DKKL1: variants seen among roughly 807,000 people sequenced by gnomAD.
DKKL1 encodes dickkopf like acrosomal protein 1.
A neutral mutation model predicts 16.5 loss-of-function variants in DKKL1; 11 were observed. The ratio of observed to expected loss-of-function variants is 0.67; its 90% CI spans 0.42 to 1.10. The LOEUF (loss-of-function observed/expected upper bound fraction) is 1.10. Ranked by LOEUF, DKKL1 falls within the 50% of genes least tolerant of loss-of-function variation. DKKL1 has a pLI of 0.00. For missense variants in DKKL1, 320 were observed against 308.1 expected (o/e 1.04, Z -0.29); for synonymous variants, 119 against 133.2 (o/e 0.89, Z 0.73).
intron 4 of DKKL1, among the ~76,000 whole-genome samples, chr19:49,366,447 T>C (rs1336274758): frequency 6.9e-6 from 1 of 144,448 alleles, no homozygotes; most frequent in Non-Finnish European, 1.5e-5. Flanking sequence ...TTTTTTTTTT[T>C]AACTACATAA....
intron 1 of DKKL1, 119 bp from the exon 2 acceptor site, chr19:49,364,463 T>C (rs1330998422): frequency 2.6e-6 from 2 of 755,660 alleles, no homozygotes; most frequent in African/African-American, 3.6e-5. Flanking sequence ...GTGGGGGAAA[T>C]GAGCGCGGTG....
intron 4 of DKKL1, 108 bp downstream of exon 4, chr19:49,365,993 T>C: frequency 9.7e-7 from 1 of 1,027,578 alleles, no homozygotes; most frequent in Non-Finnish European, 1.4e-6. Flanking sequence ...AGTGGCACGA[T>C]CTTGGCTCAC....
chr19:49,365,947 A>G, intron 4 of DKKL1, 62 bp downstream of exon 4: 1 of 1,494,332 alleles, frequency 6.7e-7, no homozygotes, highest in South Asian at 1.2e-5. Flanking sequence ...TTCTTTTTTA[A>G]AGAAGAGTCT....
chr19:49,366,704 GTTT>G (rs1293640181), intron 4 of DKKL1, among the ~76,000 whole-genome samples: 5 of 107,382 alleles, frequency 4.7e-5, no homozygotes, highest in African/African-American at 2.3e-4. Flanking sequence ...TTTTTTGTTT[GTTT>G]TTTTGGTTTT....
rs562965964 is a variant in DKKL1, at chr19:49,373,627, G to A, written c.418-1090G>A. On this transcript the variant is annotated intron_variant, in intron 4 of 4. Coordinates refer to ENST00000221498, the MANE Select transcript of DKKL1 (RefSeq NM_014419.4). The stretch of plus-strand genomic sequence containing the variant: ...TGGGATTACATGAGCGCGCCAGCAC[G>A]CCCAGCTAATTTTCATATTTTTAGT... Among the ~76,000 whole-genome samples, 45 of 152,014 alleles carry A rather than the reference G, an allele frequency of 3.0e-4. No individual in the cohort carries two copies. In the South Asian group the frequency reaches 8.9e-3, roughly 30 times the overall value.
At chr19:49,373,632 G>A (rs895334581) in intron 4 of DKKL1, among the ~76,000 whole-genome samples, 3 of 152,068 alleles carry the variant, frequency 2.0e-5, no homozygotes, top group South Asian at 2.1e-4. Flanking sequence ...AGCACGCCCA[G>A]CTAATTTTCA....
upstream of DKKL1, chr19:49,363,872 A>AG: frequency 7.3e-7 from 1 of 1,377,416 alleles, no homozygotes; most frequent in Non-Finnish European, 1.0e-6. Context: ...CCAACGCTCT[A>AG]GACCAGACCT....
chr19:49,365,731 G>C, intron 3 of DKKL1, 62 bp from the exon 4 acceptor site: 1 of 1,602,716 alleles, frequency 6.2e-7, no homozygotes, highest in Non-Finnish European at 8.5e-7. Flanking sequence ...TATCTGTTGG[G>C]AGGGAAGGAG....
intron 4 of DKKL1, among the ~76,000 whole-genome samples, chr19:49,367,026 T>C (rs1973278081): frequency 6.8e-6 from 1 of 147,948 alleles, no homozygotes; most frequent in South Asian, 2.1e-4. Context: ...GATTTTCTTC[T>C]TCTTTTTTTG....
chr19:49,369,073 T>C (rs781732348), intron 4 of DKKL1: 1 of 152,222 alleles, frequency 6.6e-6, no homozygotes, highest in Non-Finnish European at 1.5e-5. Flanking sequence ...AAGGACCCAA[T>C]GCATAAGGGA....
intron 4 of DKKL1, among the ~76,000 whole-genome samples, chr19:49,368,348 G>A (rs1024126999): frequency 5.3e-5 from 8 of 151,172 alleles, no homozygotes; most frequent in African/African-American, 1.9e-4. Flanking sequence ...GTAGCCAGGT[G>A]TGGTGGTGTG....
At chr19:49,373,447 T>C (rs934664154) in intron 4 of DKKL1, among the ~76,000 whole-genome samples, 1 of 152,170 alleles carries the variant, frequency 6.6e-6, no homozygotes, top group Non-Finnish European at 1.5e-5. Flanking sequence ...AAATATGAAT[T>C]TGGGGAGGAA....
In DKKL1 at chr19:49,374,997, T is replaced by A. The variant is rs1973672469; in HGVS notation, c.698T>A (p.Leu233Gln). ...SRLSPRKTHL[L>Q]YILRPSRQL ...CTGTCCCCCCGAAAGACCCACTTAC[T>A]GTACATCCTCAGGCCCTCTCGGCAG... The change falls in exon 5 of 5, where the codon CTG becomes CAG. Residue 233 changes from leucine to glutamine, a missense_variant. Transcript: ENST00000221498. 2 of 1,612,480 alleles carry A rather than the reference T, an allele frequency of 1.2e-6. No individual in the cohort carries two copies. Among genetic ancestry groups the A allele is most frequent in the African/African-American group, 1.3e-5 (1 of 75,004 alleles).
rs1455421860 is a variant in DKKL1 at position 49,365,851 on chromosome 19, A to G, written c.383A>G (p.Gln128Arg). The G allele has an allele frequency of 3.7e-6, 6 of 1,614,146 alleles. No individual in the cohort carries two copies. Among genetic ancestry groups the G allele is most frequent in the Middle Eastern group, 1.6e-4 (1 of 6,062 alleles). Residue 128 changes from glutamine (Q) to arginine (R), a missense_variant, in exon 4 of 5, where the codon CAA becomes CGA. Transcript: ENST00000221498. ...TCCGAGAATGTGGTGGCATCCATTC[A>G]ACCAGCGGAGGGGAGCTTCGAGGGT... Reference protein sequence around the residue: ...LISENVVASIQPAEGSFEGDL... With the variant: ...LISENVVASIRPAEGSFEGDL...
intron 1 of DKKL1, 113 bp downstream of exon 1, chr19:49,364,121 G>A (rs904433824): frequency 7.0e-7 from 1 of 1,420,470 alleles, no homozygotes; most frequent in African/African-American, 1.4e-5. Context: ...AGGCCCAGGT[G>A]GGCGGATCGC....
chr19:49,364,273 C>G (rs1163071332), intron 1 of DKKL1, among the ~76,000 whole-genome samples: 2 of 151,406 alleles, frequency 1.3e-5, no homozygotes, highest in African/African-American at 2.4e-5. Context: ...ATCACCTGAG[C>G]CCGGGGAGGT....
chr19:49,362,782 C>T (rs1973046250), upstream of DKKL1, among the ~76,000 whole-genome samples: 1 of 151,410 alleles, frequency 6.6e-6, no homozygotes, highest in African/African-American at 2.4e-5. Flanking sequence ...TGAGAGGGGA[C>T]GGGGCTAGGC....
intron 4 of DKKL1, among the ~76,000 whole-genome samples, chr19:49,367,755 T>C (rs1298526291): frequency 6.6e-6 from 1 of 152,206 alleles, no homozygotes; most frequent in East Asian, 1.9e-4. Flanking sequence ...TGAAGTGCTT[T>C]GCAAAATCAG....
intron 1 of DKKL1, 23 bp from the exon 2 acceptor site, chr19:49,364,557 GCT>G (rs1471757401): frequency 6.3e-7 from 1 of 1,597,270 alleles, no homozygotes; most frequent in East Asian, 2.2e-5. Flanking sequence ...ACTGTGCGGG[GCT>G]CTGACCCCGA....
Sources: gnomAD v4.1 joint callset for allele counts (sites outside exome capture counted in the v4.1 genomes callset) on GRCh38, gnomAD v4.1.1 for gene constraint, MANE v1.5 for transcripts, NCBI Gene and HGNC (gene_info 2026-07-23, HGNC 2026-07-21) for gene names.